The following KAZN variants were observed in gnomAD, a reference collection of about 807,000 sequenced individuals.
KAZN encodes kazrin, periplakin interacting protein.
Under a neutral mutation model 87.4 loss-of-function variants are expected in KAZN, and 40 were observed. The ratio of observed to expected loss-of-function variants is 0.46; its 90% CI spans 0.36 to 0.60. KAZN has a LOEUF of 0.60. Ranked by LOEUF, KAZN falls within the 20% of genes least tolerant of loss-of-function variation. The pLI is 0.00. For synonymous variants in KAZN, 466 were observed against 458.3 expected, an observed-to-expected ratio of 1.02 and a Z score of -0.22; for missense variants, 898 against 1,073.9, an observed-to-expected ratio of 0.84 and a Z score of 2.29.
At chr1:14,900,408 A>G (rs1158613521) in intron 1 of KAZN, among the ~76,000 whole-genome samples, 1 of 152,114 alleles carries the variant, frequency 6.6e-6, no homozygotes. Flanking sequence ...TAAAATGGGC[A>G]CAAGAGTGGT....
chr1:14,553,499 A>G (rs1298400338), intron 2 of KAZN, among the ~76,000 whole-genome samples: 2 of 152,230 alleles, frequency 1.3e-5, no homozygotes, highest in Non-Finnish European at 2.9e-5. Flanking sequence ...CCTATGTATC[A>G]CCTTGGCCTT....
chr1:14,143,575 ATTATG>A (rs1431159893), intron 1 of KAZN, among the ~76,000 whole-genome samples: 1 of 152,156 alleles, frequency 6.6e-6, no homozygotes, highest in African/African-American at 2.4e-5. Flanking sequence ...TTGTGAAATA[ATTATG>A]TTGAGTTTCT....
intron 2 of KAZN, among the ~76,000 whole-genome samples, chr1:14,277,185 G>A (rs1430178979): frequency 1.3e-5 from 2 of 151,920 alleles, no homozygotes; most frequent in East Asian, 1.9e-4. Context: ...AATTAACAAC[G>A]TATGGCCAAT....
chr1:14,858,256 A>G (rs1363108163), intron 1 of KAZN, among the ~76,000 whole-genome samples: 1 of 121,594 alleles, frequency 8.2e-6, no homozygotes, highest in African/African-American at 3.5e-5. Flanking sequence ...TCTGTTGCCC[A>G]GGCTGGAGTG....
chr1:14,574,730 A>C (rs1675075519), intron 2 of KAZN, among the ~76,000 whole-genome samples: 1 of 152,166 alleles, frequency 6.6e-6, no homozygotes, highest in Non-Finnish European at 1.5e-5. Flanking sequence ...GCCAAGCTGA[A>C]TGCTTAGGCA....
rs1641205041 is a variant in KAZN at position 15,104,018 on chromosome 1, C to G, written c.1882-5C>G. On this transcript the variant is annotated splice_region_variant and splice_polypyrimidine_tract_variant and intron_variant, in intron 12 of 14. Transcript: ENST00000376030. ...GGCTAACAAGTCCCCTGCCTTTGCC[C>G]CCAGGAGTACGCAGACAACCTGACC... 1 of 1,612,730 alleles carries G rather than the reference C, an allele frequency of 6.2e-7. No homozygotes were observed. The highest frequency in any genetic ancestry group is 1.3e-5 in the African/African-American group (1 of 74,922).
intron 1 of KAZN, among the ~76,000 whole-genome samples, chr1:14,647,006 C>G (rs1680857415): frequency 1.3e-5 from 2 of 152,166 alleles, no homozygotes. Context: ...TCTCCACACC[C>G]ATGTTACCCC....
intron 1 of KAZN, among the ~76,000 whole-genome samples, chr1:14,107,972 T>C (rs937959628): frequency 3.3e-5 from 5 of 152,130 alleles, no homozygotes; most frequent in Non-Finnish European, 5.9e-5. Flanking sequence ...AGTGAGGGGA[T>C]TGTGCAAGAT....
At chr1:14,568,786 G>A (rs1167624929) in intron 2 of KAZN, among the ~76,000 whole-genome samples, 1 of 152,180 alleles carries the variant, frequency 6.6e-6, no homozygotes, top group Middle Eastern at 3.2e-3. Flanking sequence ...GATAAGGAAT[G>A]GGTGTTGTTT....
chr1:14,171,576 G>A (rs1400418599), intron 1 of KAZN, among the ~76,000 whole-genome samples: 1 of 152,178 alleles, frequency 6.6e-6, no homozygotes, highest in Admixed American at 6.5e-5. Context: ...GCATTTTAAT[G>A]CAAAATACAT....
chr1:14,277,625 T>G (rs1652479292), intron 2 of KAZN, among the ~76,000 whole-genome samples: 2 of 149,472 alleles, frequency 1.3e-5, no homozygotes, highest in South Asian at 4.2e-4. Flanking sequence ...ATCGTGCCAT[T>G]GCACTCCAGC....
intron 1 of KAZN, among the ~76,000 whole-genome samples, chr1:14,947,578 G>A (rs1661979166): frequency 6.6e-6 from 1 of 152,238 alleles, no homozygotes; most frequent in Non-Finnish European, 1.5e-5. Context: ...ATGAGACTTA[G>A]GGCTGGGAGC....
At chr1:14,194,705 G>T (rs1646491036) in intron 2 of KAZN, among the ~76,000 whole-genome samples, 1 of 152,200 alleles carries the variant, frequency 6.6e-6, no homozygotes, top group African/African-American at 2.4e-5. Flanking sequence ...TTGTGGAGCA[G>T]CATGAGAGTA....
At chr1:14,785,138 C>A (rs1572475926) in intron 1 of KAZN, among the ~76,000 whole-genome samples, 1 of 152,028 alleles carries the variant, frequency 6.6e-6, no homozygotes, top group East Asian at 1.9e-4. Context: ...CCAATGTCAG[C>A]CAAGTTAAGT....
At chr1:15,044,576 C>T (rs1673279000) in intron 4 of KAZN, among the ~76,000 whole-genome samples, 2 of 151,936 alleles carry the variant, frequency 1.3e-5, no homozygotes, top group Non-Finnish European at 2.9e-5. Flanking sequence ...CATGGCAAAA[C>T]CCTATCTCTA....
chr1:14,734,397 G>A (rs12119049), intron 1 of KAZN, among the ~76,000 whole-genome samples: 77,111 of 150,602 alleles, frequency 0.51, 20,212 homozygotes, highest in East Asian at 0.73. Flanking sequence ...TCCGCTTCCC[G>A]GGTTCAAGTG....
intron 2 of KAZN, among the ~76,000 whole-genome samples, chr1:14,367,414 G>A (rs1252821046): frequency 6.6e-6 from 1 of 152,132 alleles, no homozygotes; most frequent in Non-Finnish European, 1.5e-5. Flanking sequence ...ACGTCCAGCT[G>A]CTTCTCCTCT....
chr1:14,602,181 G>T (rs1677030899), intron 1 of KAZN, among the ~76,000 whole-genome samples: 1 of 152,232 alleles, frequency 6.6e-6, no homozygotes, highest in Middle Eastern at 3.4e-3. Flanking sequence ...ATATTAACTT[G>T]GTTGGTACTC....
At chr1:14,282,125 A>G (rs1011520525) in intron 2 of KAZN, among the ~76,000 whole-genome samples, 8 of 152,218 alleles carry the variant, frequency 5.3e-5, no homozygotes, top group Non-Finnish European at 7.3e-5. Context: ...AAAATATTTG[A>G]CATCTTTACC....
Sources: allele counts gnomAD v4.1 joint callset (sites outside exome capture counted in the v4.1 genomes callset), GRCh38; gene constraint gnomAD v4.1.1; transcripts MANE v1.5; gene names NCBI Gene and HGNC (gene_info 2026-07-23, HGNC 2026-07-21).